The following ZDHHC14 variants were observed in gnomAD, a reference collection of about 807,000 sequenced individuals.
ZDHHC14 encodes zDHHC palmitoyltransferase 14, also known as palmitoyltransferase ZDHHC14.
In ZDHHC14, 16 loss-of-function variants were observed where a neutral mutation model predicts 47.7. That is an observed-to-expected ratio of 0.34 (90% CI 0.23 to 0.51). The LOEUF (loss-of-function observed/expected upper bound fraction) is 0.51. ZDHHC14 is among the 20% of genes least tolerant of loss of function. The probability of loss-of-function intolerance (pLI) is 0.97; values close to 1 mark genes in which losing one functional copy is unlikely to be tolerated. For synonymous variants in ZDHHC14, 293 were observed against 278.9 expected (o/e 1.05, Z -0.50); for missense variants, 515 against 662.5 (o/e 0.78, Z 2.44).
At chr6:157,572,213 T>A (rs1783125069) in intron 2 of ZDHHC14, among the ~76,000 whole-genome samples, 1 of 152,042 alleles carries the variant, frequency 6.6e-6, no homozygotes, top group Non-Finnish European at 1.5e-5. Flanking sequence ...GTAGGACATT[T>A]AGCAACACCC....
chr6:157,495,259 AT>A (rs11360448), intron 1 of ZDHHC14, among the ~76,000 whole-genome samples: 26,532 of 151,722 alleles, frequency 0.17, 3,500 homozygotes, highest in African/African-American at 0.36. Flanking sequence ...TAACTATGAG[AT>A]TTTTTTTTAA....
At chr6:157,403,115 T>C (rs1279511792) in intron 1 of ZDHHC14, among the ~76,000 whole-genome samples, 1 of 152,202 alleles carries the variant, frequency 6.6e-6, no homozygotes, top group African/African-American at 2.4e-5. Context: ...TTCACCAGAG[T>C]TCATGGATTT....
At chr6:157,523,778 G>A (rs2114771438) in intron 1 of ZDHHC14, among the ~76,000 whole-genome samples, 1 of 151,952 alleles carries the variant, frequency 6.6e-6, no homozygotes, top group South Asian at 2.1e-4. Context: ...GTGCGTGCCT[G>A]TAGTCCCAGC....
chr6:157,561,237 C>T (rs1582943615), intron 2 of ZDHHC14, among the ~76,000 whole-genome samples: 1 of 105,518 alleles, frequency 9.5e-6, no homozygotes, highest in South Asian at 2.5e-4. Context: ...AGAAGCATGC[C>T]TTGCTGGGGT....
At chr6:157,430,000 C>T (rs141356339) in intron 1 of ZDHHC14, among the ~76,000 whole-genome samples, 4 of 152,270 alleles carry the variant, frequency 2.6e-5, no homozygotes, top group African/African-American at 4.8e-5. Flanking sequence ...TTGGATAACA[C>T]GATGTGTTTG....
intron 2 of ZDHHC14, among the ~76,000 whole-genome samples, chr6:157,556,697 A>G (rs1782479718): frequency 6.8e-6 from 1 of 147,224 alleles, no homozygotes; most frequent in East Asian, 1.9e-4. Flanking sequence ...GTCCAGGGAG[A>G]CAGCTCAGAG....
intron 8 of ZDHHC14, among the ~76,000 whole-genome samples, chr6:157,664,743 A>G (rs1778480151): frequency 6.6e-6 from 1 of 152,160 alleles, no homozygotes; most frequent in Non-Finnish European, 1.5e-5. Flanking sequence ...CTAATGCACT[A>G]CTTTTCTCAA....
At chr6:157,587,544 AGAG>A (rs926045097) in intron 2 of ZDHHC14, among the ~76,000 whole-genome samples, 31 of 152,332 alleles carry the variant, frequency 2.0e-4, no homozygotes, top group African/African-American at 6.5e-4. Flanking sequence ...AAGGCCACCC[AGAG>A]TCCTTGGACT....
At chr6:157,430,686 G>A (rs937814809) in intron 1 of ZDHHC14, among the ~76,000 whole-genome samples, 3 of 152,194 alleles carry the variant, frequency 2.0e-5, no homozygotes, top group African/African-American at 2.4e-5. Flanking sequence ...CGTCTGCAAC[G>A]TGAATTCCCC....
intron 1 of ZDHHC14, among the ~76,000 whole-genome samples, chr6:157,500,261 G>A (rs914223082): frequency 2.0e-5 from 3 of 152,172 alleles, no homozygotes; most frequent in South Asian, 4.1e-4. Context: ...TGAGGCATGG[G>A]AAGAAGATCA....
chr6:157,568,599 A>G (rs1562485386), intron 2 of ZDHHC14, among the ~76,000 whole-genome samples: 1 of 152,118 alleles, frequency 6.6e-6, no homozygotes, highest in Non-Finnish European at 1.5e-5. Flanking sequence ...ATTAAAAACA[A>G]TGTTGCACTC....
At chr6:157,420,607 T>TA (rs1367679128) in intron 1 of ZDHHC14, among the ~76,000 whole-genome samples, 3 of 152,170 alleles carry the variant, frequency 2.0e-5, no homozygotes, top group Non-Finnish European at 4.4e-5. Context: ...GGTGGGCCAT[T>TA]ACCAGTGCGA....
At chr6:157,625,782 A>C (rs1402225333) in intron 3 of ZDHHC14, among the ~76,000 whole-genome samples, 1 of 152,054 alleles carries the variant, frequency 6.6e-6, no homozygotes, top group Non-Finnish European at 1.5e-5. Flanking sequence ...CGGTGAGCCT[A>C]GATTTTTAGT....
In ZDHHC14 at chr6:157,430,310, GTA is replaced by G. The variant is rs1491167600; in HGVS notation, c.245+48045_245+48046del. On this transcript the variant is annotated intron_variant, in intron 1 of 8. Coordinates refer to ENST00000359775, the MANE Select transcript of ZDHHC14 (RefSeq NM_024630.3). ...CATCCTGGTGACAAAGCAAGACTGTGTAAAAAAAAAAAAAAAAAAAAAGCATA... is the reference window on the plus strand; with the variant it reads ...CATCCTGGTGACAAAGCAAGACTGTGAAAAAAAAAAAAAAAAAAAAGCATA... Among the ~76,000 whole-genome samples the G allele has an allele frequency of 1.1e-4, 10 of 89,512 alleles. 1 individual carries two copies. Among genetic ancestry groups the G allele is most frequent in the African/African-American group, 4.0e-4 (7 of 17,524 alleles). 58.7% of individuals were successfully genotyped at this position (89,512 alleles called of 152,430 possible).
intron 8 of ZDHHC14, among the ~76,000 whole-genome samples, chr6:157,662,890 A>T (rs1230758877): frequency 6.6e-6 from 1 of 152,256 alleles, no homozygotes; most frequent in East Asian, 1.9e-4. Flanking sequence ...ATCAAAATTG[A>T]TAAATGTGTA....
intron 1 of ZDHHC14, among the ~76,000 whole-genome samples, chr6:157,402,834 C>G (rs1546999): frequency 0.7 from 106,009 of 152,064 alleles, 38,779 homozygotes; most frequent in Middle Eastern, 0.89. Flanking sequence ...TCAAGCAATT[C>G]TCCTGCCTCA....
intron 2 of ZDHHC14, among the ~76,000 whole-genome samples, chr6:157,562,247 A>G (rs1484476751): frequency 6.6e-6 from 1 of 152,188 alleles, no homozygotes; most frequent in Non-Finnish European, 1.5e-5. Flanking sequence ...TGTGACCACA[A>G]CACCCACAGC....
chr6:157,593,274 A>G, intron 3 of ZDHHC14, 128 bp downstream of exon 3: 1 of 1,215,564 alleles, frequency 8.2e-7, no homozygotes. Context: ...GTTGCCACTG[A>G]TTGAGTTCAC....
At position 157,463,840 on chromosome 6, in the gene ZDHHC14, T is replaced by C. The variant is rs1394699350; in HGVS notation, c.246-78745T>C. Among the ~76,000 whole-genome samples, 1 of 151,978 alleles carries C rather than the reference T, an allele frequency of 6.6e-6. No individual in the cohort carries two copies. The highest frequency in any genetic ancestry group is 2.4e-5 in the African/African-American group (1 of 41,390). On this transcript the variant is annotated intron_variant, in intron 1 of 8. Transcript: ENST00000359775. The surrounding 1 kb of genome is among the most constrained non-coding windows in gnomAD (Gnocchi z 4.4). Reference sequence around the variant, plus strand: ...AGGAGTTCGAGACCAGCCTGGCCAATGTGGTGAAACCCCATCTCTACAAAA... The same window carrying C: ...AGGAGTTCGAGACCAGCCTGGCCAACGTGGTGAAACCCCATCTCTACAAAA...
Sources: allele counts gnomAD v4.1 joint callset (sites outside exome capture counted in the v4.1 genomes callset), GRCh38; gene constraint gnomAD v4.1.1; non-coding constraint Gnocchi (gnomAD v3.1); transcripts MANE v1.5; gene names NCBI Gene and HGNC (gene_info 2026-07-23, HGNC 2026-07-21).